The following PCNX2 variants were observed in gnomAD, a reference collection of about 807,000 sequenced individuals.
PCNX2 encodes the protein pecanex-like protein 2.
Under a neutral mutation model 223.8 loss-of-function variants are expected in PCNX2, and 168 were observed. That is an observed-to-expected ratio of 0.75 (90% CI 0.66 to 0.85). The LOEUF is 0.85. PCNX2 is among the 40% of genes least tolerant of loss of function. PCNX2 has a pLI of 0.00. For synonymous variants in PCNX2, 1,006 were observed against 1,052.6 expected, an observed-to-expected ratio of 0.96 and a Z score of 0.86; for missense variants, 2,507 against 2,675.5, an observed-to-expected ratio of 0.94 and a Z score of 1.39.
intron 1 of PCNX2, chr1:233,289,339 TG>T: frequency 9.2e-7 from 1 of 1,091,430 alleles, no homozygotes; most frequent in Non-Finnish European, 1.4e-6. Flanking sequence ...AGCTGAGCCT[TG>T]AGGTCCAAGT....
At chr1:233,119,595 A>C (rs868779612) in intron 21 of PCNX2, among the ~76,000 whole-genome samples, 1 of 130,230 alleles carries the variant, frequency 7.7e-6, no homozygotes, top group Non-Finnish European at 1.7e-5. Flanking sequence ...AAAAAAAAAA[A>C]AACAAAAACA....
chr1:233,191,538 C>T (rs188207466), intron 15 of PCNX2, among the ~76,000 whole-genome samples: 1 of 152,276 alleles, frequency 6.6e-6, no homozygotes, highest in East Asian at 1.9e-4. Context: ...AGAGAAAAGC[C>T]TGAAACCACA....
At chr1:233,056,959 G>A (rs773969505) in intron 24 of PCNX2, among the ~76,000 whole-genome samples, 6 of 151,988 alleles carry the variant, frequency 3.9e-5, no homozygotes, top group Non-Finnish European at 8.8e-5. Context: ...CTGTGTTTGA[G>A]GTTTACTGCA....
chr1:233,327,273 G>A, the PCNX2 span, among the ~76,000 whole-genome samples: 1 of 151,942 alleles, frequency 6.6e-6, no homozygotes, highest in Non-Finnish European at 1.5e-5. Context: ...AGCGGATGAC[G>A]GCCGATCCCG....
chr1:233,104,061 A>G (rs75416724), intron 21 of PCNX2, among the ~76,000 whole-genome samples: 3,254 of 152,242 alleles, frequency 0.021, 35 homozygotes, highest in East Asian at 0.043. Context: ...TTTTCAAAGT[A>G]CTAGAGGAAA....
At chr1:233,247,152 C>T (rs577446962) in intron 8 of PCNX2, among the ~76,000 whole-genome samples, 1 of 152,142 alleles carries the variant, frequency 6.6e-6, no homozygotes, top group East Asian at 1.9e-4. Context: ...TTCCTGAGCA[C>T]GAATTAAACA....
chr1:233,093,021 A>G (rs113893077), intron 22 of PCNX2, among the ~76,000 whole-genome samples: 6,281 of 152,134 alleles, frequency 0.041, 194 homozygotes, highest in African/African-American at 0.085. Context: ...GGATGGTCTC[A>G]ATCTCCTGAC....
chr1:233,035,096 A>G (rs888308028), intron 25 of PCNX2, among the ~76,000 whole-genome samples: 2 of 152,194 alleles, frequency 1.3e-5, no homozygotes, highest in Non-Finnish European at 2.9e-5. Flanking sequence ...ACATGGAGAT[A>G]ATGGGACTTC....
intron 23 of PCNX2, among the ~76,000 whole-genome samples, chr1:233,085,260 G>A (rs1032517576): frequency 6.6e-6 from 1 of 151,892 alleles, no homozygotes; most frequent in Non-Finnish European, 1.5e-5. Flanking sequence ...TTGAACTCGG[G>A]GGTGGAGGTT....
intron 13 of PCNX2, among the ~76,000 whole-genome samples, chr1:233,206,573 A>T (rs1389853872): frequency 2.0e-5 from 3 of 152,206 alleles, no homozygotes; most frequent in African/African-American, 7.2e-5. Context: ...AGTAAAAAAT[A>T]TCAGGAAGGA....
At chr1:233,257,942 G>C (rs1659822521) in intron 5 of PCNX2, 86 bp downstream of exon 5, 2 of 1,472,150 alleles carry the variant, frequency 1.4e-6, no homozygotes, top group Non-Finnish European at 9.0e-7. Context: ...CTCACTATTT[G>C]CAAAATCAAA....
intron 23 of PCNX2, among the ~76,000 whole-genome samples, chr1:233,073,662 G>T (rs914105341): frequency 1.3e-5 from 2 of 151,964 alleles, no homozygotes; most frequent in Non-Finnish European, 2.9e-5. Flanking sequence ...ACCCAAGCTA[G>T]AGTGCAGTGG....
intron 23 of PCNX2, among the ~76,000 whole-genome samples, chr1:233,083,379 G>T (rs1257603883): frequency 6.6e-6 from 1 of 152,150 alleles, no homozygotes; most frequent in Non-Finnish European, 1.5e-5. Flanking sequence ...TGTCAGCAGG[G>T]GTATCCAGGT....
chr1:233,243,473 C>T (rs11802009), intron 8 of PCNX2, among the ~76,000 whole-genome samples: 9,452 of 152,114 alleles, frequency 0.062, 872 homozygotes, highest in African/African-American at 0.2. Flanking sequence ...AATCTAATTG[C>T]ATTAAAAGCC....
At chr1:233,109,211 G>C (rs994125358) in intron 21 of PCNX2, among the ~76,000 whole-genome samples, 3 of 152,050 alleles carry the variant, frequency 2.0e-5, no homozygotes, top group African/African-American at 7.3e-5. Flanking sequence ...ACATTTTCAG[G>C]CATAAAAACT....
intron 8 of PCNX2, among the ~76,000 whole-genome samples, chr1:233,245,050 A>G (rs1404354015): frequency 2.0e-5 from 3 of 152,154 alleles, no homozygotes; most frequent in African/African-American, 7.2e-5. Context: ...ACACTCCTCC[A>G]CCGGGTTTCA....
At chr1:233,147,258 C>T (rs1393885765) in intron 19 of PCNX2, among the ~76,000 whole-genome samples, 2 of 152,112 alleles carry the variant, frequency 1.3e-5, no homozygotes, top group African/African-American at 4.8e-5. Flanking sequence ...TCAGAAGCCT[C>T]ACTGGTAACA....
intron 9 of PCNX2, chr1:233,233,086 T>A: frequency 4.3e-6 from 4 of 920,304 alleles, no homozygotes; most frequent in Non-Finnish European, 5.2e-6. Flanking sequence ...CAACCAGCAG[T>A]GTAATAAGCA....
At chr1:233,184,933 T>A (rs899513740) in intron 15 of PCNX2, among the ~76,000 whole-genome samples, 2 of 151,900 alleles carry the variant, frequency 1.3e-5, no homozygotes, top group African/African-American at 2.4e-5. Flanking sequence ...ACACAACTCT[T>A]TCTCAGAAAA....
Sources: allele counts gnomAD v4.1 joint callset (sites outside exome capture counted in the v4.1 genomes callset), GRCh38; gene constraint gnomAD v4.1.1; transcripts MANE v1.5; gene names NCBI Gene and HGNC (gene_info 2026-07-23, HGNC 2026-07-21).